Variants in PAK3 observed in about 807,000 individuals in gnomAD.
The protein encoded by PAK3 is serine/threonine-protein kinase PAK 3.
In PAK3, 4 loss-of-function variants were observed where a neutral mutation model predicts 41.0. That is an observed-to-expected ratio of 0.10 (90% CI 0.05 to 0.22). PAK3 has a LOEUF of 0.22. Ranked by LOEUF, PAK3 falls within the 10% of genes least tolerant of loss-of-function variation. PAK3 has a pLI of 1.00. For synonymous variants in PAK3, 146 were observed against 139.6 expected, an observed-to-expected ratio of 1.05 and a Z score of -0.32; for missense variants, 205 against 409.9, an observed-to-expected ratio of 0.50 and a Z score of 4.32.
chrX:110,983,621 A>C (rs2091487695), intron 1 of PAK3, among the ~76,000 whole-genome samples: 1 of 110,474 alleles, frequency 9.1e-6, no homozygotes, highest in Admixed American at 9.7e-5. Context: ...AAGTCAAAGA[A>C]GGTACAGAAA....
At chrX:111,165,146 G>A (rs2094239467) in intron 10 of PAK3, among the ~76,000 whole-genome samples, 1 of 111,915 alleles carries the variant, frequency 8.9e-6, no homozygotes, top group Admixed American at 9.5e-5. Flanking sequence ...CAACAGTACT[G>A]AGATTGAGGC....
At chrX:111,122,306 G>T (rs2093589675) in intron 4 of PAK3, among the ~76,000 whole-genome samples, 1 of 91,243 alleles carries the variant, frequency 1.1e-5, no homozygotes, top group Non-Finnish European at 2.2e-5. Flanking sequence ...GAGCAAATAA[G>T]CTCCTAAAAC....
intron 1 of PAK3, among the ~76,000 whole-genome samples, chrX:111,044,421 CT>C (rs752008478): frequency 9.8e-5 from 11 of 112,079 alleles, no homozygotes; most frequent in Non-Finnish European, 1.9e-4. Context: ...TTCATTTGGT[CT>C]TTGTAGGAGA....
chrX:111,021,239 C>G (rs1261626323), intron 1 of PAK3, among the ~76,000 whole-genome samples: 2 of 112,048 alleles, frequency 1.8e-5, no homozygotes, highest in Non-Finnish European at 3.8e-5. Flanking sequence ...AACACAAAAC[C>G]AGCCCACTAC....
At chrX:111,045,933 A>C (rs1429301856) in intron 1 of PAK3, among the ~76,000 whole-genome samples, 1 of 111,329 alleles carries the variant, frequency 9.0e-6, no homozygotes, top group Non-Finnish European at 1.9e-5. Context: ...CCTGCTTCTG[A>C]GCTATTGTTT....
chrX:111,113,479 G>C (rs1431210053), intron 4 of PAK3, among the ~76,000 whole-genome samples: 1 of 111,431 alleles, frequency 9.0e-6, no homozygotes. Context: ...GTGGTAGTAT[G>C]ATTTCTTATA....
intron 8 of PAK3, 143 bp downstream of exon 8, chrX:111,152,590 A>C: frequency 2.2e-6 from 1 of 456,060 alleles, no homozygotes; most frequent in Non-Finnish European, 3.9e-6. Flanking sequence ...AAATTCACCT[A>C]TTTTCAGGTA....
chrX:110,979,538 C>T (rs112378972), intron 1 of PAK3, among the ~76,000 whole-genome samples: 3,254 of 111,217 alleles, frequency 0.029, 102 homozygotes, highest in African/African-American at 0.1. Context: ...ACCTCGTGAT[C>T]TGGCCTTGGC....
intron 1 of PAK3, among the ~76,000 whole-genome samples, chrX:110,974,256 T>C (rs1162923567): frequency 9.0e-6 from 1 of 110,693 alleles, no homozygotes; most frequent in African/African-American, 3.3e-5. Flanking sequence ...ATCAAATAGA[T>C]GCAATAAAAA....
intron 1 of PAK3, among the ~76,000 whole-genome samples, chrX:111,084,695 A>C (rs1232295241): frequency 8.9e-6 from 1 of 112,217 alleles, no homozygotes; most frequent in Non-Finnish European, 1.9e-5. Context: ...GATGCTTCAC[A>C]ACCAGGGAAG....
chrX:111,190,071 G>T (rs2094547740), intron 11 of PAK3, among the ~76,000 whole-genome samples: 1 of 111,657 alleles, frequency 9.0e-6, no homozygotes. Flanking sequence ...TTACAGAAGT[G>T]AGGAAATGAT....
At chrX:111,025,839 C>CAAA (rs374978131) in intron 1 of PAK3, among the ~76,000 whole-genome samples, 15 of 79,364 alleles carry the variant, frequency 1.9e-4, no homozygotes, top group African/African-American at 6.5e-4. Context: ...AAGGATATAA[C>CAAA]AAAAAAAAAA....
At chrX:111,102,413 T>C (rs187223499) in intron 3 of PAK3, among the ~76,000 whole-genome samples, 6 of 112,266 alleles carry the variant, frequency 5.3e-5, no homozygotes, top group Non-Finnish European at 9.4e-5. Context: ...GAAGCTCCAA[T>C]TAGGGTCAGA....
chrX:110,978,309 ATTTG>A (rs1476907459), intron 1 of PAK3, among the ~76,000 whole-genome samples: 1 of 107,461 alleles, frequency 9.3e-6, no homozygotes, highest in Non-Finnish European at 1.9e-5. Flanking sequence ...TTTGTTTTTT[ATTTG>A]TTTGTTTGTT....
intron 1 of PAK3, among the ~76,000 whole-genome samples, chrX:110,958,453 TG>T (rs1336015875): frequency 9.0e-6 from 1 of 110,908 alleles, no homozygotes; most frequent in Non-Finnish European, 1.9e-5. Flanking sequence ...GGAAAAGAGA[TG>T]GTGGTGGCCT....
At chrX:111,196,988 A>G (rs991676373) in intron 16 of PAK3, among the ~76,000 whole-genome samples, 7 of 106,924 alleles carry the variant, frequency 6.5e-5, no homozygotes, top group African/African-American at 2.4e-4. Context: ...GGTAAATTCC[A>G]TGCTGTTGGG....
intron 1 of PAK3, among the ~76,000 whole-genome samples, chrX:110,998,885 G>T (rs1227858117): frequency 8.9e-6 from 1 of 112,136 alleles, no homozygotes; most frequent in Non-Finnish European, 1.9e-5. Context: ...GAATTGAGTA[G>T]CACCTTGGCT....
At chrX:111,042,698 C>CA (rs1171741610) in intron 1 of PAK3, among the ~76,000 whole-genome samples, 1 of 111,943 alleles carries the variant, frequency 8.9e-6, no homozygotes, top group Non-Finnish European at 1.9e-5. Context: ...GCCAAGTGTC[C>CA]AAAAAACAAA....
At position 111,087,134 on chromosome X, in the gene PAK3, AGTGTGTGTGTGTGT is replaced by A. The variant is rs112857612; in HGVS notation, c.-27-35919_-27-35906del. On this transcript the variant is annotated intron_variant, in intron 1 of 14. Transcript: ENST00000425146. ...TATTAGCAGCTGGAATGAACAAGTA[AGTGTGTGTGTGTGT>A]GTGTGTGTGTGTGTGTGTGTGTGGC... Among the ~76,000 whole-genome samples, 75 of 95,543 alleles carry A rather than the reference AGTGTGTGTGTGTGT, an allele frequency of 7.8e-4. No homozygotes were observed. The East Asian group carries it at 0.014, about 18-fold the overall frequency. The allele number at this position is 95,543 out of a possible 115,157, so 83.0% of individuals were successfully genotyped here.
Sources: allele counts gnomAD v4.1 joint callset (sites outside exome capture counted in the v4.1 genomes callset), GRCh38; gene constraint gnomAD v4.1.1; transcripts MANE v1.5; gene names NCBI Gene and HGNC (gene_info 2026-07-23, HGNC 2026-07-21).